The following NFIC variants were observed in gnomAD, a reference collection of about 807,000 sequenced individuals.
NFIC encodes the protein nuclear factor I C.
A neutral mutation model predicts 54.4 loss-of-function variants in NFIC; 12 were observed. The observed-to-expected ratio is 0.22, with a 90% CI of 0.14 to 0.36. The LOEUF is 0.36. NFIC is among the 10% of genes least tolerant of loss of function. The probability of loss-of-function intolerance (pLI) is 1.00; values close to 1 mark genes in which losing one functional copy is unlikely to be tolerated. For missense variants in NFIC, 575 were observed against 718.2 expected, an observed-to-expected ratio of 0.80 and a Z score of 2.28; for synonymous variants, 322 against 319.2, an observed-to-expected ratio of 1.01 and a Z score of -0.09.
intron 2 of NFIC, among the ~76,000 whole-genome samples, chr19:3,421,631 T>C (rs1237906287): frequency 6.6e-6 from 1 of 152,218 alleles, no homozygotes; most frequent in Non-Finnish European, 1.5e-5. Context: ...TCCTGTGCTG[T>C]TCATGGCATC....
intron 7 of NFIC, among the ~76,000 whole-genome samples, chr19:3,451,304 A>G (rs1461375133): frequency 6.6e-6 from 1 of 152,086 alleles, no homozygotes; most frequent in African/African-American, 2.4e-5. Flanking sequence ...GGAGGAGGTG[A>G]GGAGTGACGG....
At position 3,420,555 on chromosome 19, in the gene NFIC, A is replaced by AT. The variant is rs1256143612; in HGVS notation, c.563-4551_563-4550insT. On this transcript the variant is annotated intron_variant, in intron 2 of 10. Transcript: ENST00000443272. ...GAACAAGAGCGAGATTCCATCTCAA[A>AT]AAAATAAATAAATAAATAAATAAAT... Among the ~76,000 whole-genome samples, 354 of 145,828 alleles carry AT rather than the reference A, an allele frequency of 2.4e-3. 2 individuals carry two copies. Among genetic ancestry groups the AT allele is most frequent in the African/African-American group, 6.9e-3 (261 of 38,062 alleles).
intron 2 of NFIC, among the ~76,000 whole-genome samples, chr19:3,409,896 A>G (rs1440556425): frequency 3.9e-5 from 6 of 152,208 alleles, no homozygotes; most frequent in Admixed American, 3.9e-4. Flanking sequence ...TCCCGGCCAG[A>G]TGAGGGTATC....
intron 1 of NFIC, 79 bp downstream of exon 1, chr19:3,366,745 G>A: frequency 3.6e-6 from 4 of 1,123,648 alleles, no homozygotes; most frequent in South Asian, 2.1e-5. Context: ...GCAGGAGGAG[G>A]CGGGACGAAA....
Position 3,366,643 on chromosome 19 carries a change from T to C in NFIC, c.7T>C (p.Ser3Pro). Reference protein sequence around the residue: MYSSPLCLTQDEF... With the variant: MYPSPLCLTQDEF... ...GCCTCCCGCCGCGCCCGGGATGTAT[T>C]CGTCCCCGCTCTGCCTCACCCAGGT... The change falls in exon 1 of 11, where the codon TCG (serine) becomes CCG (proline). Residue 3 changes from serine to proline, a missense_variant. By Grantham distance (74) the Ser-to-Pro change is moderately conservative. Around this residue, in one of 3 missense-constraint regions of NFIC, gnomAD observed 122 missense variants for 158.0 expected, o/e 0.77. Coordinates refer to ENST00000443272, the MANE Select transcript of NFIC (RefSeq NM_001245002.2). 1 of 1,493,778 alleles carries C rather than the reference T, an allele frequency of 6.7e-7. No homozygotes were observed. The highest frequency in any genetic ancestry group is 8.9e-7 in the Non-Finnish European group (1 of 1,127,562). 92.5% of individuals were successfully genotyped at this position (1,493,778 alleles called of 1,614,324 possible).
At position 3,414,193 on chromosome 19, in the gene NFIC, G is replaced by A. The variant is rs140466071; in HGVS notation, c.563-10913G>A. Among the ~76,000 whole-genome samples the A allele has an allele frequency of 2.7e-3, 408 of 152,228 alleles. 4 individuals carry two copies. Among genetic ancestry groups the A allele is most frequent in the African/African-American group, 9.2e-3 (383 of 41,538 alleles). Reference sequence around the variant, plus strand: ...CCCAGGGCCACACAGCCGGAAGCCCGCCAACTCTTTTAGTAAAGGGCCAGT... The same window carrying A: ...CCCAGGGCCACACAGCCGGAAGCCCACCAACTCTTTTAGTAAAGGGCCAGT... On this transcript the variant is annotated intron_variant, in intron 2 of 10. Coordinates refer to ENST00000443272, the MANE Select transcript of NFIC (RefSeq NM_001245002.2).
chr19:3,363,581 ATG>A (rs1198817746), upstream of NFIC, among the ~76,000 whole-genome samples: 1 of 151,352 alleles, frequency 6.6e-6, no homozygotes, highest in African/African-American at 2.4e-5. Context: ...CAAAGGAGAT[ATG>A]TGTGTGTGTG....
intron 2 of NFIC, among the ~76,000 whole-genome samples, chr19:3,398,330 G>A (rs897215361): frequency 6.6e-6 from 1 of 152,150 alleles, no homozygotes; most frequent in African/African-American, 2.4e-5. Flanking sequence ...CTTATTGAGC[G>A]CCAGCTGCAT....
chr19:3,460,369 C>T (rs1026728556), intron 10 of NFIC, among the ~76,000 whole-genome samples: 2 of 152,200 alleles, frequency 1.3e-5, no homozygotes, highest in Non-Finnish European at 2.9e-5. Flanking sequence ...CTGCCGCTTC[C>T]ATGCTGGTGA....
At chr19:3,418,638 C>T (rs1007506122) in intron 2 of NFIC, among the ~76,000 whole-genome samples, 5 of 152,088 alleles carry the variant, frequency 3.3e-5, no homozygotes, top group African/African-American at 9.6e-5. Context: ...GATCACTTGA[C>T]GTCAGGAATT....
rs77179156 is a variant in NFIC at position 3,452,746 on chromosome 19, A to C, written c.1269+80A>C. On this transcript the variant is annotated intron_variant, in intron 8 of 10. Transcript: ENST00000443272. The surrounding 1 kb of genome is among the most constrained non-coding windows in gnomAD (Gnocchi z 5.3). ...GGGGGCCACGTGCTCACACGAAGGC[A>C]CAACCTCTGCTTAAAAGGGTCTTGA... 845 of 1,483,942 alleles carry C rather than the reference A, an allele frequency of 5.7e-4. 4 individuals are homozygous for C. The African/African-American group carries it at 9.9e-3, about 17-fold the overall frequency. The allele number at this position is 1,483,942 out of a possible 1,614,324, so 91.9% of individuals were successfully genotyped here. A position where few individuals can be genotyped will look rare whatever the true frequency, so the allele number is the denominator to read the frequency against.
intron 2 of NFIC, among the ~76,000 whole-genome samples, chr19:3,397,472 C>G (rs2081482957): frequency 6.6e-6 from 1 of 152,154 alleles, no homozygotes; most frequent in South Asian, 2.1e-4. Context: ...GGTCTCAAAC[C>G]CCTGGACCTG....
At chr19:3,435,296 C>G in intron 6 of NFIC, 89 bp downstream of exon 6, 1 of 1,434,584 alleles carries the variant, frequency 7.0e-7, no homozygotes, top group Non-Finnish European at 9.2e-7. Flanking sequence ...GCGCGGGCGC[C>G]GCGGGGCAGG....
chr19:3,436,441 G>A (rs2082205540), intron 6 of NFIC, among the ~76,000 whole-genome samples: 1 of 150,260 alleles, frequency 6.7e-6, no homozygotes, highest in Admixed American at 6.7e-5. Context: ...TGGGATTCCA[G>A]GTGTGAGCCA....
chr19:3,404,675 G>T (rs1419330953), intron 2 of NFIC, among the ~76,000 whole-genome samples: 1 of 152,160 alleles, frequency 6.6e-6, no homozygotes, highest in Non-Finnish European at 1.5e-5. Flanking sequence ...CAAAATGGCC[G>T]CCAAGGCCGG....
chr19:3,418,672 C>CA (rs1457822227), intron 2 of NFIC, among the ~76,000 whole-genome samples: 1 of 152,038 alleles, frequency 6.6e-6, no homozygotes, highest in African/African-American at 2.4e-5. Flanking sequence ...GCTAACATGG[C>CA]AAAATCCTGT....
intron 6 of NFIC, among the ~76,000 whole-genome samples, chr19:3,445,620 G>A (rs1434683648): frequency 6.6e-6 from 1 of 152,174 alleles, no homozygotes; most frequent in Non-Finnish European, 1.5e-5. Flanking sequence ...GGGCCATGGG[G>A]ACAGCTGGTT....
In NFIC at chr19:3,463,635, A is replaced by G; in HGVS notation, c.*866A>G. ...ATTGGCCCCGGCCCCTCCACCCCCC[A>G]CCCCCGGCATAGGAGGCCCCCCCAC... On this transcript the variant is annotated 3_prime_UTR_variant, in exon 11 of 11. Coordinates refer to ENST00000443272, the MANE Select transcript of NFIC (RefSeq NM_001245002.2). 3.1e-5 allele frequency: 3 copies of G among 95,348 alleles called. No homozygotes were observed. Among genetic ancestry groups the G allele is most frequent in the Non-Finnish European group, 2.6e-5 (2 of 77,498 alleles). 5.9% of individuals were successfully genotyped at this position (95,348 alleles called of 1,614,324 possible).
intron 2 of NFIC, among the ~76,000 whole-genome samples, chr19:3,401,937 G>A (rs2081563258): frequency 1.3e-5 from 2 of 151,970 alleles, no homozygotes; most frequent in African/African-American, 4.8e-5. Context: ...GGCCAGGCTG[G>A]TCTCAAACTC....
Sources: allele counts gnomAD v4.1 joint callset (sites outside exome capture counted in the v4.1 genomes callset), GRCh38; gene constraint gnomAD v4.1.1; regional missense constraint gnomAD v4.1.1; non-coding constraint Gnocchi (gnomAD v3.1); transcripts MANE v1.5; gene names NCBI Gene and HGNC (gene_info 2026-07-23, HGNC 2026-07-21).